The following ABTB3 variants were observed in gnomAD, a reference collection of about 807,000 sequenced individuals.
ABTB3 encodes the protein ankyrin repeat- and BTB/POZ domain-containing protein 3.
At chr12:107,319,903 CG>C in the ABTB3 span, 1 of 1,380,400 alleles carries the variant, frequency 7.2e-7, no homozygotes, top group Non-Finnish European at 9.5e-7. Flanking sequence ...CCGCCGCGGC[CG>C]CCGCAGTCCC....
chr12:107,476,342 C>G, the ABTB3 span, among the ~76,000 whole-genome samples: 1 of 151,994 alleles, frequency 6.6e-6, no homozygotes. Flanking sequence ...CTTAAAGTTG[C>G]CAAAGCCGAA....
the ABTB3 span, among the ~76,000 whole-genome samples, chr12:107,641,073 G>T: frequency 2.0e-5 from 3 of 152,132 alleles, no homozygotes; most frequent in Non-Finnish European, 4.4e-5. Flanking sequence ...CCTGAGTTGG[G>T]TAAGGACACT....
chr12:107,341,866 C>G, the ABTB3 span, among the ~76,000 whole-genome samples: 1 of 152,124 alleles, frequency 6.6e-6, no homozygotes, highest in Non-Finnish European at 1.5e-5. Context: ...TCCTCCCTCC[C>G]TGGTCTTGCT....
At chr12:107,657,381 G>A in the ABTB3 span, 1 of 793,740 alleles carries the variant, frequency 1.3e-6, no homozygotes, top group Middle Eastern at 2.4e-4. Context: ...GTGTGTGCTG[G>A]GGAATCAGAG....
the ABTB3 span, among the ~76,000 whole-genome samples, chr12:107,629,338 A>C: frequency 6.6e-6 from 1 of 152,078 alleles, no homozygotes; most frequent in African/African-American, 2.4e-5. Flanking sequence ...TGGGAAGATC[A>C]CTTGAGCCCA....
At chr12:107,558,199 TG>T in the ABTB3 span, among the ~76,000 whole-genome samples, 1 of 152,216 alleles carries the variant, frequency 6.6e-6, no homozygotes, top group Non-Finnish European at 1.5e-5. Context: ...TGAGACAGAC[TG>T]GCTTGGGGGC....
chr12:107,589,846 G>T, the ABTB3 span, among the ~76,000 whole-genome samples: 1 of 152,208 alleles, frequency 6.6e-6, no homozygotes, highest in African/African-American at 2.4e-5. Flanking sequence ...AATGAAGGAT[G>T]CAGAGAGCTG....
At chr12:107,318,962 C>T in the ABTB3 span, 1 of 1,612,750 alleles carries the variant, frequency 6.2e-7, no homozygotes, top group Non-Finnish European at 8.5e-7. Flanking sequence ...AGGTAAGAAG[C>T]CCGTGGTGAG....
At chr12:107,627,563 G>C in the ABTB3 span, among the ~76,000 whole-genome samples, 7 of 152,162 alleles carry the variant, frequency 4.6e-5, no homozygotes, top group East Asian at 5.8e-4. Flanking sequence ...TCCGTTTCAG[G>C]GTTTTACCTG....
At chr12:107,508,130 G>A in the ABTB3 span, among the ~76,000 whole-genome samples, 2 of 151,928 alleles carry the variant, frequency 1.3e-5, no homozygotes, top group African/African-American at 4.8e-5. Flanking sequence ...ATGTATAGAT[G>A]AATAGATAGA....
the ABTB3 span, among the ~76,000 whole-genome samples, chr12:107,632,167 G>T: frequency 6.6e-6 from 1 of 152,150 alleles, no homozygotes; most frequent in African/African-American, 2.4e-5. Flanking sequence ...CTTTCACACT[G>T]CAGGACACCT....
At chr12:107,461,277 A>G in the ABTB3 span, among the ~76,000 whole-genome samples, 1 of 152,216 alleles carries the variant, frequency 6.6e-6, no homozygotes, top group Non-Finnish European at 1.5e-5. Context: ...GAGTGGGGAC[A>G]CAGAGCCAAA....
the ABTB3 span, among the ~76,000 whole-genome samples, chr12:107,597,393 T>C: frequency 6.6e-6 from 1 of 152,156 alleles, no homozygotes; most frequent in South Asian, 2.1e-4. Flanking sequence ...TCCAAGAGTG[T>C]AGCACCAGCA....
chr12:107,628,567 T>A, the ABTB3 span, among the ~76,000 whole-genome samples: 1 of 152,228 alleles, frequency 6.6e-6, no homozygotes, highest in Non-Finnish European at 1.5e-5. Flanking sequence ...ATTTCTCCAT[T>A]TGAAACAGGT....
chr12:107,583,114 A>G, the ABTB3 span, among the ~76,000 whole-genome samples: 1 of 152,202 alleles, frequency 6.6e-6, no homozygotes, highest in African/African-American at 2.4e-5. Flanking sequence ...TAGTTTTCCC[A>G]TGAGTAATGT....
chr12:107,653,609 A>C, the ABTB3 span, among the ~76,000 whole-genome samples: 3 of 152,068 alleles, frequency 2.0e-5, no homozygotes, highest in Non-Finnish European at 4.4e-5. Flanking sequence ...AGCCCTTTTA[A>C]TGTGCAGGCA....
chr12:107,384,331 T>C, the ABTB3 span, among the ~76,000 whole-genome samples: 7 of 152,200 alleles, frequency 4.6e-5, no homozygotes, highest in Non-Finnish European at 7.4e-5. Flanking sequence ...AACAATGTCG[T>C]TAACCAGTAT....
At chr12:107,557,362 A>G in the ABTB3 span, among the ~76,000 whole-genome samples, 1 of 152,238 alleles carries the variant, frequency 6.6e-6, no homozygotes, top group Non-Finnish European at 1.5e-5. Context: ...AAAAGCTGCA[A>G]TAAAAATGCA....
the ABTB3 span, among the ~76,000 whole-genome samples, chr12:107,468,861 G>A: frequency 6.6e-6 from 1 of 152,190 alleles, no homozygotes; most frequent in Non-Finnish European, 1.5e-5. Flanking sequence ...ATGTGGTACA[G>A]CAGACACGAG....
Sources: allele counts gnomAD v4.1 joint callset (sites outside exome capture counted in the v4.1 genomes callset), GRCh38; gene constraint gnomAD v4.1.1; transcripts MANE v1.5; gene names NCBI Gene and HGNC (gene_info 2026-07-23, HGNC 2026-07-21).